Variants in DBF4 observed in about 807,000 individuals in gnomAD.
DBF4 encodes DBF4-CDC7 kinase regulatory subunit, also known as protein DBF4 homolog A.
Under a neutral mutation model 76.6 loss-of-function variants are expected in DBF4, and 25 were observed. That is an observed-to-expected ratio of 0.33 (90% CI 0.24 to 0.46). The LOEUF (loss-of-function observed/expected upper bound fraction) is 0.46, where lower values mean the gene tolerates loss of function less well. DBF4 is among the 20% of genes least tolerant of loss of function. DBF4 has a pLI of 1.00. For synonymous variants in DBF4, 213 were observed against 258.0 expected, an observed-to-expected ratio of 0.83 and a Z score of 1.67; for missense variants, 638 against 760.8, an observed-to-expected ratio of 0.84 and a Z score of 1.90.
At chr7:87,896,538 T>A in intron 7 of DBF4, 28 bp downstream of exon 7, 1 of 1,602,826 alleles carries the variant, frequency 6.2e-7, no homozygotes, top group Non-Finnish European at 8.5e-7. Flanking sequence ...TTTAAGTGTA[T>A]TTGGTTTGCA....
intron 6 of DBF4, chr7:87,888,300 G>C (rs1233226190): frequency 1.0e-6 from 1 of 984,926 alleles, no homozygotes; most frequent in Non-Finnish European, 1.2e-6. Flanking sequence ...CTGCTGTTTT[G>C]TAACAGGTAC....
intron 10 of DBF4, 135 bp downstream of exon 10, chr7:87,901,013 T>G (rs1386679450): frequency 1.4e-6 from 1 of 725,318 alleles, no homozygotes; most frequent in Non-Finnish European, 2.3e-6. Flanking sequence ...TGAAAATGAA[T>G]TTTTATTCAG....
At chr7:87,885,625 T>A (rs1293407077) in intron 3 of DBF4, among the ~76,000 whole-genome samples, 3 of 152,254 alleles carry the variant, frequency 2.0e-5, no homozygotes, top group Non-Finnish European at 4.4e-5. Context: ...AGAAATTTTA[T>A]GACATTCAGA....
intron 8 of DBF4, among the ~76,000 whole-genome samples, chr7:87,897,785 G>C (rs1368498666): frequency 6.6e-6 from 1 of 151,992 alleles, no homozygotes; most frequent in Non-Finnish European, 1.5e-5. Flanking sequence ...TGTTTGTTTT[G>C]ATTTTTTGAG....
At chr7:87,889,970 T>C (rs1839445466) in intron 6 of DBF4, among the ~76,000 whole-genome samples, 1 of 152,246 alleles carries the variant, frequency 6.6e-6, no homozygotes. Flanking sequence ...AAATTGCCTC[T>C]ACCACACTTA....
Position 87,897,159 on chromosome 7 carries a change from C to G in DBF4, c.635-135C>G, listed in dbSNP as rs998889499. 4.3e-6 allele frequency: 3 copies of G among 704,870 alleles called. No homozygotes were observed. In the African/African-American group the frequency reaches 5.4e-5, roughly 13 times the overall value. 43.7% of individuals were successfully genotyped at this position (704,870 alleles called of 1,614,324 possible). A position where few individuals can be genotyped will look rare whatever the true frequency, so the allele number is the denominator to read the frequency against. Reference sequence around the variant, plus strand: ...AAATGAGGTGATAATGGAAGTACCTCATCTGAGGCTTAAAACTTTAAAGTG... The same window carrying G: ...AAATGAGGTGATAATGGAAGTACCTGATCTGAGGCTTAAAACTTTAAAGTG... On this transcript the variant is annotated intron_variant, in intron 7 of 11. Transcript: ENST00000265728.
Position 87,907,278 on chromosome 7 carries a change from T to A in DBF4, c.1140T>A (p.Ile380=), listed in dbSNP as rs1420853541. 1 of 1,613,966 alleles carries A rather than the reference T, an allele frequency of 6.2e-7. No individual in the cohort carries two copies. Among genetic ancestry groups the A allele is most frequent in the African/African-American group, 1.3e-5 (1 of 75,036 alleles). ...EQKEKVELQH[I]SQKDCQEDDT... ...AGGAAAAAGTGGAATTGCAACATAT[T>A]TCTCAGAAAGATTGCCAGGAAGATG... Residue 380 remains isoleucine, a synonymous_variant, in exon 12 of 12, where the codon ATT becomes ATA. Coordinates refer to ENST00000265728, the MANE Select transcript of DBF4 (RefSeq NM_006716.4).
At chr7:87,884,848 G>A (rs536836929) in intron 2 of DBF4, 131 bp from the exon 3 acceptor site, 3 of 613,322 alleles carry the variant, frequency 4.9e-6, no homozygotes, top group South Asian at 5.6e-5. Context: ...AAGGCGGGAG[G>A]ATCACTTGAG....
intron 1 of DBF4, 107 bp from the exon 2 acceptor site, chr7:87,877,946 A>T: frequency 1.1e-6 from 1 of 934,388 alleles, no homozygotes; most frequent in East Asian, 2.8e-5. Context: ...AATAACTTAA[A>T]CTGGTAGGGT....
rs1839971072 is a variant in DBF4, at chr7:87,908,771, T to C, written c.*608T>C. The C allele has an allele frequency of 1.3e-5, 2 of 151,920 alleles. No homozygotes were observed. Among genetic ancestry groups the C allele is most frequent in the Admixed American group, 1.3e-4 (2 of 15,246 alleles). The allele number at this position is 151,920 out of a possible 1,614,324, so 9.4% of individuals were successfully genotyped here. A position where few individuals can be genotyped will look rare whatever the true frequency, so the allele number is the denominator to read the frequency against. Reference sequence around the variant, plus strand: ...ATCTGCTATTTTTAATTACTTACCTTGTAAATAACTTTAATAATATTCAAA... The same window carrying C: ...ATCTGCTATTTTTAATTACTTACCTCGTAAATAACTTTAATAATATTCAAA... On this transcript the variant is annotated 3_prime_UTR_variant, in exon 12 of 12. Coordinates refer to ENST00000265728, the MANE Select transcript of DBF4 (RefSeq NM_006716.4).
At chr7:87,897,166 G>C (rs1458024753) in intron 7 of DBF4, 128 bp from the exon 8 acceptor site, 5 of 783,210 alleles carry the variant, frequency 6.4e-6, no homozygotes, top group Non-Finnish European at 1.0e-5. Flanking sequence ...CCTCATCTGA[G>C]GCTTAAAACT....
chr7:87,889,519 A>G (rs888307168), intron 6 of DBF4, among the ~76,000 whole-genome samples: 1 of 152,098 alleles, frequency 6.6e-6, no homozygotes. Context: ...AGCTCAAGCT[A>G]TCCACCCGCC....
rs1006001281 is a variant in DBF4, at chr7:87,877,907, A to G, written c.47-146A>G. 2.3e-5 allele frequency: 15 copies of G among 649,468 alleles called. No individual in the cohort carries two copies. The African/African-American group carries it at 2.6e-4, about 11-fold the overall frequency. The allele number at this position is 649,468 out of a possible 1,614,324, so 40.2% of individuals were successfully genotyped here. A position where few individuals can be genotyped will look rare whatever the true frequency, so the allele number is the denominator to read the frequency against. On this transcript the variant is annotated intron_variant, in intron 1 of 11. Transcript: ENST00000265728. ...AGGGCATTTTGCCTCTATCCTAAGTAGTACTACAAAGAAATACATTTCAAT... is the reference window on the plus strand; with the variant it reads ...AGGGCATTTTGCCTCTATCCTAAGTGGTACTACAAAGAAATACATTTCAAT...
chr7:87,877,362 C>A lies in DBF4; in HGVS notation c.46+584C>A, dbSNP rs182051652. On this transcript the variant is annotated intron_variant, in intron 1 of 11. Transcript: ENST00000265728. Reference sequence around the variant, plus strand: ...CAGTCACTTTATTTGGTGAAACATTCCAGCACCTAAGTTTTTTGTACAGGT... The same window carrying A: ...CAGTCACTTTATTTGGTGAAACATTACAGCACCTAAGTTTTTTGTACAGGT... 1.7e-3 allele frequency among the ~76,000 whole-genome samples: 264 copies of A among 152,318 alleles called. 2 individuals are homozygous for A. Among genetic ancestry groups the A allele is most frequent in the South Asian group, 0.017 (83 of 4,830 alleles).
At chr7:87,878,795 G>A (rs2131037526) in intron 2 of DBF4, among the ~76,000 whole-genome samples, 1 of 152,294 alleles carries the variant, frequency 6.6e-6, no homozygotes, top group Non-Finnish European at 1.5e-5. Flanking sequence ...TAGGATTAAG[G>A]TTGATATTGG....
chr7:87,909,099 C>G lies in DBF4; in HGVS notation c.*936C>G, dbSNP rs745862624. 1.3e-5 allele frequency: 2 copies of G among 152,040 alleles called. No homozygotes were observed. The highest frequency in any genetic ancestry group is 2.9e-5 in the Non-Finnish European group (2 of 68,054). 9.4% of individuals were successfully genotyped at this position (152,040 alleles called of 1,614,324 possible). A position where few individuals can be genotyped will look rare whatever the true frequency, so the allele number is the denominator to read the frequency against. ...TCAAAAAAAAAAAAGTTGACTCTAC[C>G]CCCTAATTTGGTAGGAGATGAAGGA... is the stretch of plus-strand genomic sequence containing the variant. On this transcript the variant is annotated 3_prime_UTR_variant, in exon 12 of 12. Coordinates refer to ENST00000265728, the MANE Select transcript of DBF4 (RefSeq NM_006716.4).
intron 6 of DBF4, 102 bp from the exon 7 acceptor site, chr7:87,896,372 C>A: frequency 1.1e-6 from 1 of 904,710 alleles, no homozygotes; most frequent in Non-Finnish European, 1.7e-6. Context: ...TGATATAGCA[C>A]TTTTCTGCAT....
chr7:87,889,468 C>T (rs1311384780), intron 6 of DBF4, among the ~76,000 whole-genome samples: 3 of 151,642 alleles, frequency 2.0e-5, no homozygotes, highest in Admixed American at 1.3e-4. Flanking sequence ...TTTGTAGAGA[C>T]GGGGTTTCGC....
chr7:87,876,526 C>T lies in DBF4; in HGVS notation c.-207C>T. The stretch of plus-strand genomic sequence containing the variant: ...AACCGCCGCAGCCCACTCGTTTGTG[C>T]TTTGCGCCTTCCTCCTCCGCGCCTT... On this transcript the variant is annotated 5_prime_UTR_variant, in exon 1 of 12. Coordinates refer to ENST00000265728, the MANE Select transcript of DBF4 (RefSeq NM_006716.4). The T allele has an allele frequency of 1.7e-6, 1 of 602,510 alleles. No homozygotes were observed. Among genetic ancestry groups the T allele is most frequent in the Non-Finnish European group, 3.0e-6 (1 of 337,960 alleles). The allele number at this position is 602,510 out of a possible 1,614,324, so 37.3% of individuals were successfully genotyped here. A position where few individuals can be genotyped will look rare whatever the true frequency, so the allele number is the denominator to read the frequency against.
Sources: gnomAD v4.1 joint callset for allele counts (sites outside exome capture counted in the v4.1 genomes callset) on GRCh38, gnomAD v4.1.1 for gene constraint, MANE v1.5 for transcripts, NCBI Gene and HGNC (gene_info 2026-07-23, HGNC 2026-07-21) for gene names.